Variants in GYS2 observed in about 807,000 individuals in gnomAD.
The protein encoded by GYS2 is glycogen [starch] synthase, liver.
In GYS2, 80 loss-of-function variants were observed where a neutral mutation model predicts 85.6. The observed-to-expected ratio is 0.93, with a 90% confidence interval of 0.78 to 1.13. The LOEUF (loss-of-function observed/expected upper bound fraction) is 1.13, where lower values mean the gene tolerates loss of function less well. Among genes scored for constraint, GYS2 ranks in the 50% most tolerant of loss-of-function variants. The probability of loss-of-function intolerance (pLI) is 0.00; values close to 1 mark genes in which losing one functional copy is unlikely to be tolerated. For synonymous variants in GYS2, 328 were observed against 300.7 expected (o/e 1.09, Z -0.94); for missense variants, 881 against 854.9 (o/e 1.03, Z -0.38).
At position 21,537,178 on chromosome 12, in the gene GYS2, G is replaced by C. The variant is rs374458852; in HGVS notation, c.1891-3C>G. ...CTGGGATATTTAAATCCTTCTGTCTGCCAAAGACAAAAATAAGACATAAAC... is the reference window on the plus strand; with the variant it reads ...CTGGGATATTTAAATCCTTCTGTCTCCCAAAGACAAAAATAAGACATAAAC... On this transcript the variant is annotated splice_region_variant and splice_polypyrimidine_tract_variant and intron_variant, in intron 15 of 15. Coordinates refer to ENST00000261195, the MANE Select transcript of GYS2 (RefSeq NM_021957.4). 3.5e-5 allele frequency: 56 copies of C among 1,605,500 alleles called. No homozygotes were observed. Among genetic ancestry groups the C allele is most frequent in the Non-Finnish European group, 4.8e-5 (56 of 1,172,516 alleles).
At position 21,540,504 on chromosome 12, in the gene GYS2, T is replaced by C. The variant is rs1943959765; in HGVS notation, c.1715A>G (p.Tyr572Cys). ...GCGGCGTGACTGTTTGCAAAATCCA[T>C]AGAGAAACTTAGTCAGCTGATTGCA... ...DSCNQLTKFL[Y>C]GFCKQSRRQR... The change falls in exon 14 of 16, where the codon TAT becomes TGT. Residue 572 changes from tyrosine (Y) to cysteine (C), a missense_variant. Coordinates refer to ENST00000261195, the MANE Select transcript of GYS2 (RefSeq NM_021957.4). 6.2e-7 allele frequency: 1 copy of C among 1,613,904 alleles called. No homozygotes were observed.
At chr12:21,576,127 T>A (rs1234896414) in intron 2 of GYS2, 70 bp from the exon 3 acceptor site, 6 of 1,249,792 alleles carry the variant, frequency 4.8e-6, no homozygotes, top group Non-Finnish European at 5.8e-6. Context: ...ATTTGCACTC[T>A]GAGGATATAA....
At position 21,546,328 on chromosome 12, in the gene GYS2, T is replaced by C; in HGVS notation, c.1549+16A>G. On this transcript the variant is annotated intron_variant, in intron 12 of 15. Transcript: ENST00000261195. ...ACAAAATTCAAAACATTCCACACTC[T>C]ATACATGACACATACCTGGAGTATA... is the stretch of plus-strand genomic sequence containing the variant. 6.4e-7 allele frequency: 1 copy of C among 1,571,364 alleles called. No individual in the cohort carries two copies. The highest frequency in any genetic ancestry group is 8.8e-7 in the Non-Finnish European group (1 of 1,142,632).
intron 4 of GYS2, among the ~76,000 whole-genome samples, chr12:21,571,308 C>T (rs1384770528): frequency 6.6e-6 from 1 of 152,174 alleles, no homozygotes; most frequent in Non-Finnish European, 1.5e-5. Flanking sequence ...GTCCATTCTT[C>T]CACATATTTA....
intron 7 of GYS2, among the ~76,000 whole-genome samples, chr12:21,561,839 A>AT (rs1184189406): frequency 1.3e-5 from 2 of 152,100 alleles, no homozygotes; most frequent in East Asian, 1.9e-4. Flanking sequence ...GCTTTAGTAA[A>AT]TTTTTTTAGC....
At chr12:21,568,779 A>G in intron 5 of GYS2, 86 bp downstream of exon 5, 2 of 1,190,612 alleles carry the variant, frequency 1.7e-6, no homozygotes, top group Non-Finnish European at 2.5e-6. Context: ...TTTTCCTCAA[A>G]CTACTACTTC....
intron 5 of GYS2, among the ~76,000 whole-genome samples, chr12:21,565,452 T>A (rs1433031014): frequency 1.4e-5 from 2 of 139,778 alleles, no homozygotes; most frequent in African/African-American, 5.4e-5. Context: ...ACTGCACCAT[T>A]ATATAGGTTA....
intron 6 of GYS2, 37 bp from the exon 7 acceptor site, chr12:21,563,075 TACA>T (rs765931285): frequency 8.8e-5 from 130 of 1,469,222 alleles, no homozygotes; most frequent in Middle Eastern, 6.9e-4. Flanking sequence ...TCAAATGAAA[TACA>T]GCAACAGTAA....
chr12:21,589,532 A>G (rs1156991387), intron 1 of GYS2, among the ~76,000 whole-genome samples: 1 of 152,172 alleles, frequency 6.6e-6, no homozygotes, highest in Admixed American at 6.5e-5. Context: ...AATCCCACAT[A>G]AGAGAGAATT....
chr12:21,540,274 A>T, intron 14 of GYS2, 136 bp downstream of exon 14: 1 of 835,408 alleles, frequency 1.2e-6, no homozygotes, highest in Non-Finnish European at 1.9e-6. Flanking sequence ...ATTAAATTTT[A>T]AAAAGTACAT....
chr12:21,559,264 T>C (rs1944222225), intron 9 of GYS2, 95 bp from the exon 10 acceptor site: 2 of 645,368 alleles, frequency 3.1e-6, no homozygotes, highest in Non-Finnish European at 5.4e-6. Context: ...ATTTCATGTA[T>C]TTTAATAAAT....
intron 9 of GYS2, 134 bp downstream of exon 9, chr12:21,559,517 T>A: frequency 2.9e-6 from 2 of 679,250 alleles, no homozygotes; most frequent in Non-Finnish European, 5.3e-6. Context: ...ACTGTTCACA[T>A]GACATAACAC....
Position 21,537,346 on chromosome 12 carries a change from T to C in GYS2, c.1891-171A>G, listed in dbSNP as rs151012417. The C allele has an allele frequency of 2.4e-3, 1,588 of 649,770 alleles. 25 individuals are homozygous for C. The African/African-American group carries it at 0.026, about 11-fold the overall frequency. 40.3% of individuals were successfully genotyped at this position (649,770 alleles called of 1,614,324 possible). A position where few individuals can be genotyped will look rare whatever the true frequency, so the allele number is the denominator to read the frequency against. ...TTGATACCACCAATCTCAAGAGGGA[T>C]TCATTCAATATATAGCTATTCTTTA... is the stretch of plus-strand genomic sequence containing the variant. On this transcript the variant is annotated intron_variant, in intron 15 of 15. Coordinates refer to ENST00000261195, the MANE Select transcript of GYS2 (RefSeq NM_021957.4).
chr12:21,576,422 C>T (rs1944447694), intron 2 of GYS2, among the ~76,000 whole-genome samples: 2 of 152,122 alleles, frequency 1.3e-5, no homozygotes, highest in Non-Finnish European at 2.9e-5. Context: ...TCTCTGAAAA[C>T]CTGGGTAGTT....
At chr12:21,596,858 C>T (rs1944702388) in intron 1 of GYS2, among the ~76,000 whole-genome samples, 1 of 152,134 alleles carries the variant, frequency 6.6e-6, no homozygotes, top group Non-Finnish European at 1.5e-5. Flanking sequence ...ACCCTAAAGA[C>T]TCCTCCAGAA....
intron 12 of GYS2, among the ~76,000 whole-genome samples, chr12:21,544,174 T>C (rs374898936): frequency 6.6e-6 from 1 of 152,198 alleles, no homozygotes; most frequent in Non-Finnish European, 1.5e-5. Context: ...ATGCTAATGT[T>C]AAATGTATAC....
intron 1 of GYS2, among the ~76,000 whole-genome samples, chr12:21,602,107 A>G (rs1944762030): frequency 6.6e-6 from 1 of 152,108 alleles, no homozygotes; most frequent in South Asian, 2.1e-4. Flanking sequence ...TGGAGAGTAT[A>G]ACATTCATTT....
At chr12:21,590,005 A>T (rs1348710860) in intron 1 of GYS2, among the ~76,000 whole-genome samples, 1 of 152,118 alleles carries the variant, frequency 6.6e-6, no homozygotes, top group Non-Finnish European at 1.5e-5. Flanking sequence ...AAAGTGTGTC[A>T]TTAGAAGTGG....
At chr12:21,591,101 A>G (rs1460822606) in intron 1 of GYS2, among the ~76,000 whole-genome samples, 1 of 152,098 alleles carries the variant, frequency 6.6e-6, no homozygotes, top group Non-Finnish European at 1.5e-5. Flanking sequence ...TGACACTTCC[A>G]AAGGAATTTA....
Sources: allele counts gnomAD v4.1 joint callset (sites outside exome capture counted in the v4.1 genomes callset), GRCh38; gene constraint gnomAD v4.1.1; transcripts MANE v1.5; gene names NCBI Gene and HGNC (gene_info 2026-07-23, HGNC 2026-07-21).